Variants in RHOU observed in about 807,000 individuals in gnomAD.
RHOU encodes the protein ras homolog family member U, also known as rho-related GTP-binding protein RhoU.
RHOU carries 8 observed loss-of-function variants against 12.6 expected under a neutral mutation model. The ratio of observed to expected loss-of-function variants is 0.64; its 90% confidence interval spans 0.37 to 1.15. The LOEUF (loss-of-function observed/expected upper bound fraction) is 1.15, where lower values mean the gene tolerates loss of function less well. RHOU is among the 50% of genes most tolerant of loss of function. The probability of loss-of-function intolerance (pLI) is 0.01; values close to 1 mark genes in which losing one functional copy is unlikely to be tolerated. For synonymous variants in RHOU, 161 were observed against 147.4 expected, an observed-to-expected ratio of 1.09 and a Z score of -0.67; for missense variants, 258 against 347.0, an observed-to-expected ratio of 0.74 and a Z score of 2.04.
chr1:228,673,442 A>G, the RHOU span, among the ~76,000 whole-genome samples: 1 of 152,174 alleles, frequency 6.6e-6, no homozygotes, highest in Non-Finnish European at 1.5e-5. Context: ...TAGGGGTGTG[A>G]TATGGTTTGA....
At chr1:228,657,154 G>T in the RHOU span, among the ~76,000 whole-genome samples, 1 of 151,784 alleles carries the variant, frequency 6.6e-6, no homozygotes, top group African/African-American at 2.4e-5. Context: ...GTAGGTGCCT[G>T]TAATCCCAGC....
chr1:228,719,181 TG>T, the RHOU span, among the ~76,000 whole-genome samples: 1 of 152,142 alleles, frequency 6.6e-6, no homozygotes, highest in Non-Finnish European at 1.5e-5. Context: ...TCTATATTCC[TG>T]TATCATTTTG....
At chr1:228,704,009 C>T in the RHOU span, among the ~76,000 whole-genome samples, 1 of 152,180 alleles carries the variant, frequency 6.6e-6, no homozygotes, top group Non-Finnish European at 1.5e-5. Context: ...TCCAAGTCTC[C>T]TTCTGAGGCT....
the RHOU span, among the ~76,000 whole-genome samples, chr1:228,722,961 C>A: frequency 6.6e-6 from 1 of 152,168 alleles, no homozygotes; most frequent in African/African-American, 2.4e-5. Context: ...ACCCAATGCT[C>A]CAGGTAGATC....
chr1:228,699,962 C>A, the RHOU span, among the ~76,000 whole-genome samples: 4 of 152,104 alleles, frequency 2.6e-5, no homozygotes, highest in Non-Finnish European at 5.9e-5. Context: ...ATAGGTTTAA[C>A]AAACCAAACA....
At chr1:228,676,808 G>C in the RHOU span, among the ~76,000 whole-genome samples, 3 of 152,150 alleles carry the variant, frequency 2.0e-5, no homozygotes, top group Non-Finnish European at 4.4e-5. Flanking sequence ...TCTCAAGGGT[G>C]GGGGAGATTA....
chr1:228,689,007 A>G, the RHOU span, among the ~76,000 whole-genome samples: 3 of 152,214 alleles, frequency 2.0e-5, no homozygotes, highest in Non-Finnish European at 4.4e-5. Context: ...CAGAATGGAC[A>G]GTAATTTTAA....
chr1:228,687,689 C>T, the RHOU span: 2 of 1,483,610 alleles, frequency 1.3e-6, no homozygotes, highest in Non-Finnish European at 1.9e-6. Flanking sequence ...AGACACATTA[C>T]CTGAATAAGC....
chr1:228,700,119 A>G, the RHOU span, among the ~76,000 whole-genome samples: 1 of 152,202 alleles, frequency 6.6e-6, no homozygotes, highest in Non-Finnish European at 1.5e-5. Flanking sequence ...CCAGGTAGCC[A>G]TCCAGGTTCT....
At chr1:228,666,311 AGTT>A in the RHOU span, among the ~76,000 whole-genome samples, 1 of 152,186 alleles carries the variant, frequency 6.6e-6, no homozygotes, top group Non-Finnish European at 1.5e-5. Flanking sequence ...ATTGACAAAT[AGTT>A]GTTGTACATA....
the RHOU span, among the ~76,000 whole-genome samples, chr1:228,654,159 G>T: frequency 5.4e-3 from 819 of 151,676 alleles, 5 homozygotes; most frequent in South Asian, 0.019. Context: ...ACTCAGGCTG[G>T]AGTACAGTGG....
At chr1:228,653,315 G>A in the RHOU span, among the ~76,000 whole-genome samples, 3 of 151,922 alleles carry the variant, frequency 2.0e-5, no homozygotes, top group East Asian at 1.9e-4. Flanking sequence ...CCATCATGTC[G>A]GACTAATTTT....
chr1:228,730,806 A>T (rs186184716), upstream of RHOU, among the ~76,000 whole-genome samples: 28 of 152,354 alleles, frequency 1.8e-4, 1 homozygote, highest in East Asian at 5.2e-3. Flanking sequence ...GAAAGATCCA[A>T]AAAAACCGTG....
At position 228,746,653 on chromosome 1, in the gene RHOU, C is replaced by G. The variant is rs967010885; in HGVS notation, c.*2913C>G. On this transcript the variant is annotated 3_prime_UTR_variant, in exon 3 of 3. Transcript: ENST00000366691. ...TAAGTGAGATGGTATGAAATAAATT[C>G]TGACTTATGAATATAATGGCTCTTG... The G allele has an allele frequency of 8.5e-5, 13 of 152,200 alleles. No individual in the cohort carries two copies. The highest frequency in any genetic ancestry group is 7.9e-4 in the Admixed American group (12 of 15,276). 9.4% of individuals were successfully genotyped at this position (152,200 alleles called of 1,614,324 possible). A position where few individuals can be genotyped will look rare whatever the true frequency, so the allele number is the denominator to read the frequency against.
chr1:228,700,388 T>G, the RHOU span, among the ~76,000 whole-genome samples: 1 of 152,208 alleles, frequency 6.6e-6, no homozygotes, highest in African/African-American at 2.4e-5. Context: ...TCAACCCCTT[T>G]GTTAGAGTTC....
chr1:228,703,382 C>A, the RHOU span, among the ~76,000 whole-genome samples: 1 of 151,864 alleles, frequency 6.6e-6, no homozygotes, highest in South Asian at 2.1e-4. Context: ...AAAAATTAGC[C>A]AGGTGTGGTG....
chr1:228,740,186 T>G (rs1463465240), intron 2 of RHOU, among the ~76,000 whole-genome samples: 1 of 152,208 alleles, frequency 6.6e-6, no homozygotes. Flanking sequence ...ACTTTAGTAG[T>G]ATTTTTGCAC....
the RHOU span, among the ~76,000 whole-genome samples, chr1:228,703,297 C>T: frequency 8.5e-5 from 13 of 152,106 alleles, no homozygotes; most frequent in South Asian, 2.1e-4. Flanking sequence ...GAGGCCGAGG[C>T]GCGCGGATCA....
the RHOU span, among the ~76,000 whole-genome samples, chr1:228,671,806 T>A: frequency 2.0e-5 from 3 of 151,302 alleles, no homozygotes; most frequent in Non-Finnish European, 2.9e-5. Flanking sequence ...CAGTGGACAC[T>A]AAGTGGTCAT....
Sources: gnomAD v4.1 joint callset for allele counts (sites outside exome capture counted in the v4.1 genomes callset) on GRCh38, gnomAD v4.1.1 for gene constraint, MANE v1.5 for transcripts, NCBI Gene and HGNC (gene_info 2026-07-23, HGNC 2026-07-21) for gene names.